NUP188: variants seen among roughly 807,000 people sequenced by gnomAD.
The protein encoded by NUP188 is nucleoporin NUP188.
A neutral mutation model predicts 223.0 loss-of-function variants in NUP188; 97 were observed. The ratio of observed to expected loss-of-function variants is 0.43; its 90% CI spans 0.37 to 0.51. NUP188 has a LOEUF of 0.51. Ranked by LOEUF, NUP188 falls within the 20% of genes least tolerant of loss-of-function variation. NUP188 has a pLI of 0.00. For missense variants in NUP188, 1,947 were observed against 2,175.6 expected (o/e 0.89, Z 2.09); for synonymous variants, 869 against 828.0 (o/e 1.05, Z -0.85).
intron 24 of NUP188, among the ~76,000 whole-genome samples, chr9:128,989,091 C>G (rs1031049484): frequency 6.6e-6 from 1 of 151,756 alleles, no homozygotes; most frequent in African/African-American, 2.4e-5. Flanking sequence ...GTAGTATCTT[C>G]CTAATAAGAT....
chr9:128,963,527 T>C (rs1010878043), intron 8 of NUP188, among the ~76,000 whole-genome samples: 1 of 151,930 alleles, frequency 6.6e-6, no homozygotes, highest in Admixed American at 6.6e-5. Context: ...TTATAAAGAA[T>C]TGATAAATTG....
In NUP188 at chr9:128,982,986, G is replaced by T. The variant is rs1010127140; in HGVS notation, c.1754G>T (p.Cys585Phe). The change falls in exon 17 of 44, where the codon TGT becomes TTT. Residue 585 changes from cysteine to phenylalanine, a missense_variant. Around this residue, in one of 3 missense-constraint regions of NUP188, gnomAD observed 817 missense variants for 865.8 expected, o/e 0.94. Coordinates refer to ENST00000372577, the MANE Select transcript of NUP188 (RefSeq NM_015354.3). ...VISTDLSIAD[C>F]LLPITSRIYM... ...AGTACAGACCTGTCGATAGCAGACTGTCTCCTGCCCATCACATCTCGCATC... is the reference window on the plus strand; with the variant it reads ...AGTACAGACCTGTCGATAGCAGACTTTCTCCTGCCCATCACATCTCGCATC... The T allele has an allele frequency of 1.2e-6, 2 of 1,614,166 alleles. No homozygotes were observed.
intron 14 of NUP188, among the ~76,000 whole-genome samples, chr9:128,981,059 T>G (rs894310874): frequency 3.3e-5 from 5 of 152,146 alleles, no homozygotes; most frequent in African/African-American, 4.8e-5. Flanking sequence ...TCAGGAGAGA[T>G]AACTGCCCTT....
At position 128,990,158 on chromosome 9, in the gene NUP188, T is replaced by TA; in HGVS notation, c.2573dup (p.Tyr858Ter). Residue 858 changes from tyrosine (Y) to a stop codon, truncating the protein, a stop_gained and frameshift_variant, in exon 25 of 44, where the codon TAC becomes TAAC. Coordinates refer to ENST00000372577, the MANE Select transcript of NUP188 (RefSeq NM_015354.3). LOFTEE classifies it high-confidence loss of function. ...GNNLIAVLAKYIYHKHDPALP... is the reference protein window; with the variant it reads ...GNNLIAVLAK Reference sequence around the variant, plus strand: ...CAACCTCATTGCTGTTCTAGCCAAATACATCTACCACAAACATGACCCTGC... The same window carrying TA: ...CAACCTCATTGCTGTTCTAGCCAAATAACATCTACCACAAACATGACCCTGC... 6.2e-7 allele frequency: 1 copy of TA among 1,614,208 alleles called. No homozygotes were observed. The highest frequency in any genetic ancestry group is 1.6e-4 in the Middle Eastern group (1 of 6,062).
intron 28 of NUP188, 117 bp downstream of exon 28, chr9:128,994,559 C>G: frequency 1.3e-6 from 1 of 771,760 alleles, no homozygotes; most frequent in Non-Finnish European, 2.2e-6. Context: ...AGAATGTTCC[C>G]TTCACTAGAA....
intron 30 of NUP188, among the ~76,000 whole-genome samples, chr9:128,996,663 C>T (rs375980823): frequency 6.6e-6 from 1 of 152,176 alleles, no homozygotes. Flanking sequence ...GCTCACCTGT[C>T]TTTGAGAATG....
intron 6 of NUP188, among the ~76,000 whole-genome samples, chr9:128,958,511 G>A (rs1195761279): frequency 6.6e-6 from 1 of 152,204 alleles, no homozygotes; most frequent in Non-Finnish European, 1.5e-5. Flanking sequence ...TGGCCTGCCT[G>A]TTGATAGCAT....
chr9:128,994,735 C>T (rs868722447), intron 28 of NUP188, 121 bp from the exon 29 acceptor site: 1 of 836,726 alleles, frequency 1.2e-6, no homozygotes, highest in African/African-American at 1.7e-5. Context: ...CATTCACATT[C>T]AACAGGGGTT....
Position 129,006,775 on chromosome 9 carries a change from G to GT in NUP188, c.*97_*98insT. 8.5e-6 allele frequency: 11 copies of GT among 1,300,368 alleles called. No individual in the cohort carries two copies. Among genetic ancestry groups the GT allele is most frequent in the Non-Finnish European group, 1.1e-5 (11 of 962,642 alleles). The allele number at this position is 1,300,368 out of a possible 1,614,324, so 80.6% of individuals were successfully genotyped here. On this transcript the variant is annotated 3_prime_UTR_variant, in exon 44 of 44. Transcript: ENST00000372577. ...GGCTGCTAGGGCCTATACAATGGAG[G>GT]GCACCTCCTGTCACCCCCCTCCCGG...
At chr9:128,985,801 G>A (rs1300444076) in intron 20 of NUP188, among the ~76,000 whole-genome samples, 6 of 152,172 alleles carry the variant, frequency 3.9e-5, no homozygotes, top group Non-Finnish European at 4.4e-5. Context: ...TTGGGAGGCC[G>A]AGGCGGATGG....
Position 128,983,305 on chromosome 9 carries a change from G to A in NUP188, c.1809G>A (p.Val603=), listed in dbSNP as rs768151449. ...GTTCTCCAACCAGGTTAACGACAGT[G>A]ATCTCCCCACCTGTGGATGTCATTG... is the stretch of plus-strand genomic sequence containing the variant. ...IYMLLQRLTT[V]ISPPVDVIAS... Residue 603 remains valine, a synonymous_variant, in exon 18 of 44, where the codon GTG becomes GTA. Transcript: ENST00000372577. The A allele has an allele frequency of 3.7e-6, 6 of 1,614,016 alleles. No homozygotes were observed. In the Admixed American group the frequency reaches 1.0e-4, roughly 27 times the overall value.
chr9:128,983,642 GTATT>G, intron 19 of NUP188, 92 bp downstream of exon 19: 1 of 919,156 alleles, frequency 1.1e-6, no homozygotes, highest in South Asian at 1.5e-5. Flanking sequence ...TTATTTTTAT[GTATT>G]TGTTTGTTTA....
chr9:128,990,724 G>T (rs545964007), intron 25 of NUP188, among the ~76,000 whole-genome samples: 23 of 152,224 alleles, frequency 1.5e-4, no homozygotes, highest in Non-Finnish European at 2.9e-4. Flanking sequence ...AATTAGCCAG[G>T]CATTATGGCA....
chr9:128,981,688 C>G (rs1344648426), intron 15 of NUP188, among the ~76,000 whole-genome samples: 1 of 152,206 alleles, frequency 6.6e-6, no homozygotes, highest in Non-Finnish European at 1.5e-5. Flanking sequence ...CTCCAGTCAT[C>G]TAGGCACTAA....
intron 14 of NUP188, 46 bp from the exon 15 acceptor site, chr9:128,981,218 G>A: frequency 6.2e-7 from 1 of 1,602,174 alleles, no homozygotes; most frequent in Non-Finnish European, 8.5e-7. Context: ...ACCTCTCCTT[G>A]CTTATCCTGG....
intron 38 of NUP188, chr9:129,004,377 C>CA: frequency 6.6e-6 from 1 of 152,132 alleles, no homozygotes; most frequent in Non-Finnish European, 1.5e-5. Context: ...GAGGAAGGAA[C>CA]ACAGGCTCCA....
intron 13 of NUP188, 71 bp from the exon 14 acceptor site, chr9:128,980,535 G>A: frequency 1.3e-6 from 2 of 1,512,296 alleles, no homozygotes; most frequent in South Asian, 1.2e-5. Flanking sequence ...TCTCATGATT[G>A]CTGGGAAATT....
intron 20 of NUP188, 43 bp from the exon 21 acceptor site, chr9:128,986,515 T>C: frequency 6.3e-7 from 1 of 1,588,752 alleles, no homozygotes; most frequent in Non-Finnish European, 8.6e-7. Context: ...TAAATGACTT[T>C]TCCTTAAATG....
intron 8 of NUP188, among the ~76,000 whole-genome samples, chr9:128,968,247 A>G (rs1170228087): frequency 6.6e-6 from 1 of 150,406 alleles, no homozygotes; most frequent in Non-Finnish European, 1.5e-5. Context: ...CCTGTCTCTT[A>G]AAAAAAAAGC....
Sources: gnomAD v4.1 joint callset for allele counts (sites outside exome capture counted in the v4.1 genomes callset) on GRCh38, gnomAD v4.1.1 for gene constraint, gnomAD v4.1.1 regional missense constraint, MANE v1.5 for transcripts, NCBI Gene and HGNC (gene_info 2026-07-23, HGNC 2026-07-21) for gene names.